FSTL5: variants seen among roughly 807,000 people sequenced by gnomAD.
The protein encoded by FSTL5 is follistatin like 5.
In FSTL5, 62 loss-of-function variants were observed where a neutral mutation model predicts 89.1. The ratio of observed to expected loss-of-function variants is 0.70; its 90% CI spans 0.57 to 0.86. FSTL5 has a LOEUF of 0.86. FSTL5 is among the 40% of genes least tolerant of loss of function. FSTL5 has a pLI of 0.00. For missense variants in FSTL5, 1,057 were observed against 1,001.6 expected (o/e 1.06, Z -0.75); for synonymous variants, 383 against 346.2 (o/e 1.11, Z -1.18).
chr4:161,659,501 TA>T (rs562774532), intron 6 of FSTL5, among the ~76,000 whole-genome samples: 118 of 152,288 alleles, frequency 7.7e-4, no homozygotes, highest in African/African-American at 2.7e-3. Context: ...TATTGCAAGT[TA>T]AAAATGTTAA....
At chr4:161,840,572 A>C (rs2126871256) in intron 4 of FSTL5, among the ~76,000 whole-genome samples, 1 of 152,314 alleles carries the variant, frequency 6.6e-6, no homozygotes, top group Non-Finnish European at 1.5e-5. Context: ...CGTGAACAGT[A>C]ATAAAAGTGA....
intron 6 of FSTL5, among the ~76,000 whole-genome samples, chr4:161,744,849 A>C (rs79180592): frequency 6.6e-6 from 1 of 152,130 alleles, no homozygotes; most frequent in Admixed American, 6.5e-5. Context: ...TACATAATAT[A>C]GAACCAAATT....
intron 15 of FSTL5, among the ~76,000 whole-genome samples, chr4:161,445,539 C>A (rs879534455): frequency 6.6e-6 from 1 of 151,612 alleles, no homozygotes; most frequent in Non-Finnish European, 1.5e-5. Flanking sequence ...CTTCTGTAAA[C>A]CAAATATTAC....
At chr4:161,436,434 C>A (rs758292639) in intron 15 of FSTL5, among the ~76,000 whole-genome samples, 1 of 152,106 alleles carries the variant, frequency 6.6e-6, no homozygotes, top group Non-Finnish European at 1.5e-5. Flanking sequence ...ATTTTCTTGG[C>A]AAACTATCCC....
intron 4 of FSTL5, among the ~76,000 whole-genome samples, chr4:161,827,221 C>T (rs1373165379): frequency 6.6e-6 from 1 of 152,144 alleles, no homozygotes; most frequent in Non-Finnish European, 1.5e-5. Context: ...GATTATTTCT[C>T]TTCTGGATTT....
intron 1 of FSTL5, among the ~76,000 whole-genome samples, chr4:162,158,876 G>A (rs1328413565): frequency 6.6e-6 from 1 of 151,992 alleles, no homozygotes; most frequent in African/African-American, 2.4e-5. Context: ...CAGGATCAAA[G>A]ACCAAATGAT....
At chr4:162,153,528 T>C (rs1733310078) in intron 1 of FSTL5, among the ~76,000 whole-genome samples, 1 of 150,020 alleles carries the variant, frequency 6.7e-6, no homozygotes, top group African/African-American at 2.5e-5. Flanking sequence ...CCTGAAAGGG[T>C]ACCTGAAACA....
rs182245438 is a variant in FSTL5 at position 162,024,819 on chromosome 4, T to A, written c.160+8806A>T. On this transcript the variant is annotated intron_variant, in intron 3 of 15. Coordinates refer to ENST00000306100, the MANE Select transcript of FSTL5 (RefSeq NM_020116.5). ...CACCTGCCACCATGCTAGGCTAATT[T>A]TTTTTTATTTTATTTTTTGTAGAGG... Among the ~76,000 whole-genome samples the A allele has an allele frequency of 5.2e-3, 794 of 152,092 alleles. 8 individuals are homozygous for A. Among genetic ancestry groups the A allele is most frequent in the African/African-American group, 0.018 (753 of 41,496 alleles).
chr4:162,147,075 C>A (rs1733030947), intron 1 of FSTL5, among the ~76,000 whole-genome samples: 1 of 152,082 alleles, frequency 6.6e-6, no homozygotes, highest in South Asian at 2.1e-4. Flanking sequence ...AGCCATCGCA[C>A]CTGGTCCTAA....
intron 6 of FSTL5, among the ~76,000 whole-genome samples, chr4:161,744,742 C>CT (rs1052503898): frequency 4.0e-5 from 6 of 150,408 alleles, no homozygotes; most frequent in Admixed American, 1.3e-4. Context: ...GTTCAGAAAC[C>CT]TTTTTTTTTC....
At chr4:161,590,146 A>G (rs374020190) in intron 7 of FSTL5, among the ~76,000 whole-genome samples, 169 of 152,336 alleles carry the variant, frequency 1.1e-3, no homozygotes, top group African/African-American at 3.7e-3. Context: ...TCAAGAAAGT[A>G]AAGAGATACC....
At chr4:161,664,826 G>T in intron 6 of FSTL5, 1 of 168,896 alleles carries the variant, frequency 5.9e-6, no homozygotes, top group Non-Finnish European at 1.2e-5. Context: ...AATTCCACAT[G>T]TCTGGGGAGG....
chr4:161,538,254 A>T lies in FSTL5; in HGVS notation c.1224T>A (p.Thr408=). The T allele has an allele frequency of 6.2e-7, 1 of 1,614,030 alleles. No individual in the cohort carries two copies. Among genetic ancestry groups the T allele is most frequent in the Non-Finnish European group, 8.5e-7 (1 of 1,179,886 alleles). ...VHISNVRYED[T]GAYTCIAKNE... is the part of the protein sequence containing the mutation. ...TCTTTGCGATACAAGTGTATGCTCC[A>T]GTATCTTCATAGCGCACATTGCTTA... is the stretch of plus-strand genomic sequence containing the variant. Residue 408 remains threonine (T), a synonymous_variant, in exon 10 of 16, where the codon ACT becomes ACA. Transcript: ENST00000306100.
chr4:162,076,184 A>G (rs890399178), intron 2 of FSTL5, among the ~76,000 whole-genome samples: 1 of 151,916 alleles, frequency 6.6e-6, no homozygotes, highest in Non-Finnish European at 1.5e-5. Flanking sequence ...TGAGGCCACA[A>G]CTGAACTACC....
chr4:161,536,650 C>G (rs1367480875), intron 10 of FSTL5, among the ~76,000 whole-genome samples: 1 of 151,974 alleles, frequency 6.6e-6, no homozygotes, highest in Non-Finnish European at 1.5e-5. Context: ...TAAACCTTGT[C>G]GAAAATTTAA....
At chr4:161,504,347 A>C (rs1456737305) in intron 11 of FSTL5, among the ~76,000 whole-genome samples, 2 of 151,994 alleles carry the variant, frequency 1.3e-5, no homozygotes, top group African/African-American at 4.8e-5. Context: ...AGTAGTGGTG[A>C]TCATTACTTC....
At chr4:161,442,365 A>T (rs535488901) in intron 15 of FSTL5, among the ~76,000 whole-genome samples, 1 of 152,212 alleles carries the variant, frequency 6.6e-6, no homozygotes, top group Non-Finnish European at 1.5e-5. Flanking sequence ...GTTATAATTT[A>T]AAAGACACTG....
intron 4 of FSTL5, among the ~76,000 whole-genome samples, chr4:161,889,636 T>C (rs1170845842): frequency 6.6e-6 from 1 of 152,110 alleles, no homozygotes; most frequent in Non-Finnish European, 1.5e-5. Flanking sequence ...AAGATGAAAC[T>C]CTGTCGAATA....
chr4:162,157,775 A>T (rs1319876268), intron 1 of FSTL5, among the ~76,000 whole-genome samples: 1 of 152,092 alleles, frequency 6.6e-6, no homozygotes, highest in Admixed American at 6.6e-5. Context: ...TATAATGGGG[A>T]TTCAGTAGGG....
Sources: allele counts gnomAD v4.1 joint callset (sites outside exome capture counted in the v4.1 genomes callset), GRCh38; gene constraint gnomAD v4.1.1; transcripts MANE v1.5; gene names NCBI Gene and HGNC (gene_info 2026-07-23, HGNC 2026-07-21).